The following SRP19 variants were observed in gnomAD, a reference collection of about 807,000 sequenced individuals.
SRP19 encodes the protein signal recognition particle 19 kDa protein.
SRP19 carries 11 observed loss-of-function variants against 22.4 expected under a neutral mutation model. That is an observed-to-expected ratio of 0.49 (90% CI 0.31 to 0.81). The LOEUF (loss-of-function observed/expected upper bound fraction) is 0.81, where lower values mean the gene tolerates loss of function less well. SRP19 is among the 40% of genes least tolerant of loss of function. The pLI is 0.05. For synonymous variants in SRP19, 61 were observed against 57.6 expected, an observed-to-expected ratio of 1.06 and a Z score of -0.27; for missense variants, 168 against 175.9, an observed-to-expected ratio of 0.96 and a Z score of 0.25.
At chr5:112,886,946 G>T in intron 4 of SRP19, 1 of 1,178,422 alleles carries the variant, frequency 8.5e-7, no homozygotes, top group Non-Finnish European at 1.2e-6. Context: ...AGGCCAGGAA[G>T]CCTGTTATTT....
rs766407059 is a variant in SRP19 at position 112,864,556 on chromosome 5, A to G, written c.189+28A>G. ...ATGACGTGGTTCTTCACTATTTTCC[A>G]TACTCATCTAATTGATGTAATAACT... On this transcript the variant is annotated intron_variant, in intron 3 of 4. Transcript: ENST00000505459. 3.7e-6 allele frequency: 6 copies of G among 1,612,464 alleles called. No individual in the cohort carries two copies. In the Admixed American group the frequency reaches 8.3e-5, roughly 22 times the overall value.
chr5:112,866,993 T>C (rs527618201), intron 4 of SRP19, among the ~76,000 whole-genome samples: 76 of 145,854 alleles, frequency 5.2e-4, no homozygotes, highest in African/African-American at 1.8e-3. Context: ...ATCGGATCGC[T>C]TGTAACTTGA....
intron 4 of SRP19, among the ~76,000 whole-genome samples, chr5:112,881,472 C>T (rs1255453375): frequency 6.6e-6 from 1 of 152,216 alleles, no homozygotes. Flanking sequence ...AATCTATATC[C>T]TCATCCATTC....
intron 4 of SRP19, among the ~76,000 whole-genome samples, chr5:112,876,215 T>A (rs1767892043): frequency 6.6e-6 from 1 of 152,158 alleles, no homozygotes. Flanking sequence ...TTAGGACAAG[T>A]CTTTTCCTCT....
downstream of SRP19, chr5:112,897,701 T>A (rs981935530): frequency 3.9e-5 from 6 of 152,172 alleles, no homozygotes; most frequent in African/African-American, 1.4e-4. Flanking sequence ...TCCAATCTTA[T>A]CAGCTGCTTT....
At chr5:112,880,692 C>T (rs419632) in intron 4 of SRP19, among the ~76,000 whole-genome samples, 61,707 of 152,066 alleles carry the variant, frequency 0.41, 13,870 homozygotes, top group African/African-American at 0.62. Flanking sequence ...TGTGTCATAA[C>T]AAAGTAAGAT....
At chr5:112,892,055 A>C (rs762529349) in exon 5 of SRP19, 4 of 1,530,124 alleles carry the variant, frequency 2.6e-6, no homozygotes, top group East Asian at 2.2e-5. Flanking sequence ...GAAAAAGAGG[A>C]AGCTGTGCAG....
chr5:112,862,669 G>A (rs1256988548), intron 2 of SRP19, 86 bp downstream of exon 2: 2 of 1,177,278 alleles, frequency 1.7e-6, no homozygotes, highest in Non-Finnish European at 1.2e-6. Flanking sequence ...AGAGCCGCAG[G>A]GGGTTCTCTT....
chr5:112,877,039 T>C (rs1767916066), intron 4 of SRP19: 1 of 152,142 alleles, frequency 6.6e-6, no homozygotes, highest in Admixed American at 6.5e-5. Context: ...GGGAAAAGGA[T>C]TTAAATACTC....
chr5:112,864,179 G>A (rs1026753581), intron 2 of SRP19, among the ~76,000 whole-genome samples: 2 of 152,180 alleles, frequency 1.3e-5, no homozygotes, highest in Non-Finnish European at 2.9e-5. Flanking sequence ...TATGTTGAGA[G>A]TACCATGCTA....
intron 4 of SRP19, among the ~76,000 whole-genome samples, chr5:112,882,954 C>T (rs1403540728): frequency 1.3e-5 from 2 of 152,164 alleles, no homozygotes; most frequent in Non-Finnish European, 2.9e-5. Context: ...ACCTGATTTC[C>T]CTGCTGTTAC....
chr5:112,885,028 C>G (rs989151818), intron 4 of SRP19: 1 of 152,086 alleles, frequency 6.6e-6, no homozygotes. Flanking sequence ...TCTTTTGTAC[C>G]CATAACAAAA....
chr5:112,888,423 A>G (rs1768327450), intron 4 of SRP19, among the ~76,000 whole-genome samples: 1 of 152,216 alleles, frequency 6.6e-6, no homozygotes, highest in African/African-American at 2.4e-5. Flanking sequence ...GTTCTCAACA[A>G]TATCTCCAGA....
At chr5:112,872,035 T>C (rs1405420731), downstream of SRP19, among the ~76,000 whole-genome samples, 1 of 152,246 alleles carries the variant, frequency 6.6e-6, no homozygotes, top group African/African-American at 2.4e-5. Context: ...TGTTTCTGTT[T>C]TAGGCATTAA....
chr5:112,864,370 T>C, intron 2 of SRP19, 87 bp from the exon 3 acceptor site: 2 of 1,143,724 alleles, frequency 1.7e-6, no homozygotes, highest in Non-Finnish European at 2.6e-6. Flanking sequence ...ACTTGTTTGA[T>C]TATAGTATTT....
intron 4 of SRP19, among the ~76,000 whole-genome samples, chr5:112,888,706 T>C (rs1273713058): frequency 6.6e-6 from 1 of 151,084 alleles, no homozygotes; most frequent in East Asian, 2.0e-4. Flanking sequence ...TAAAATTTGT[T>C]ACACATGCAC....
At position 112,868,967 on chromosome 5, in the gene SRP19, A is replaced by G. The variant is rs1373484579; in HGVS notation, c.*1430A>G. The G allele has an allele frequency of 6.6e-6, 1 of 152,076 alleles. No individual in the cohort carries two copies. Among genetic ancestry groups the G allele is most frequent in the East Asian group, 1.9e-4 (1 of 5,190 alleles). The allele number at this position is 152,076 out of a possible 1,614,324, so 9.4% of individuals were successfully genotyped here. On this transcript the variant is annotated 3_prime_UTR_variant, in exon 5 of 5. Coordinates refer to ENST00000505459, the MANE Select transcript of SRP19 (RefSeq NM_003135.3). ...GTATAAGACTTAGTTTATATATTTG[A>G]CTTACAAATAAATCCTGGGGAGAGG...
At chr5:112,879,504 C>A (rs573948609) in intron 4 of SRP19, among the ~76,000 whole-genome samples, 1 of 152,166 alleles carries the variant, frequency 6.6e-6, no homozygotes, top group Non-Finnish European at 1.5e-5. Flanking sequence ...GACGGAGTCT[C>A]GCTCTGTCAC....
At chr5:112,870,080 C>G (rs1008766585), downstream of SRP19, among the ~76,000 whole-genome samples, 1 of 152,172 alleles carries the variant, frequency 6.6e-6, no homozygotes, top group African/African-American at 2.4e-5. Context: ...GCTATACTCA[C>G]CTGTTTTGGG....
Sources: gnomAD v4.1 joint callset for allele counts (sites outside exome capture counted in the v4.1 genomes callset) on GRCh38, gnomAD v4.1.1 for gene constraint, MANE v1.5 for transcripts, NCBI Gene and HGNC (gene_info 2026-07-23, HGNC 2026-07-21) for gene names.